Variants in CACNA2D3 observed in about 807,000 individuals in gnomAD.
CACNA2D3 encodes voltage-dependent calcium channel subunit alpha-2/delta-3.
A neutral mutation model predicts 160.6 loss-of-function variants in CACNA2D3; 60 were observed. That is an observed-to-expected ratio of 0.37 (90% confidence interval 0.30 to 0.46). The LOEUF is 0.46. CACNA2D3 is among the 20% of genes least tolerant of loss of function. CACNA2D3 has a pLI of 1.00. For missense variants in CACNA2D3, 1,205 were observed against 1,365.0 expected (o/e 0.88, Z 1.85); for synonymous variants, 558 against 492.9 (o/e 1.13, Z -1.75).
At chr3:54,949,931 A>G (rs1284133116) in intron 27 of CACNA2D3, among the ~76,000 whole-genome samples, 2 of 152,200 alleles carry the variant, frequency 1.3e-5, no homozygotes, top group Non-Finnish European at 2.9e-5. Context: ...GCCACCCCAA[A>G]TAATGTTTCT....
chr3:54,603,004 C>T (rs1481499251), intron 9 of CACNA2D3, among the ~76,000 whole-genome samples: 2 of 152,144 alleles, frequency 1.3e-5, no homozygotes, highest in Admixed American at 6.5e-5. Flanking sequence ...TAGACATTCT[C>T]GTTGTCTAAA....
intron 35 of CACNA2D3, among the ~76,000 whole-genome samples, chr3:55,069,974 A>C (rs904968755): frequency 4.7e-5 from 7 of 150,382 alleles, no homozygotes; most frequent in Middle Eastern, 3.4e-3. Flanking sequence ...TTTAAACCAG[A>C]GTTTGATTCT....
chr3:54,585,196 C>T (rs1702739004), intron 9 of CACNA2D3, among the ~76,000 whole-genome samples: 1 of 152,060 alleles, frequency 6.6e-6, no homozygotes, highest in East Asian at 1.9e-4. Flanking sequence ...ATGTGATACC[C>T]AATGTTTATG....
intron 13 of CACNA2D3, among the ~76,000 whole-genome samples, chr3:54,809,708 C>T (rs1214335705): frequency 6.6e-6 from 1 of 151,594 alleles, no homozygotes; most frequent in African/African-American, 2.4e-5. Flanking sequence ...TCCCTTTCCT[C>T]CTTCCTCTCT....
In CACNA2D3 at chr3:54,363,916, G is replaced by A. The variant is rs141989095; in HGVS notation, c.322-22799G>A. Among the ~76,000 whole-genome samples, 26 of 152,250 alleles carry A rather than the reference G, an allele frequency of 1.7e-4. 1 individual carries two copies. In the East Asian group the frequency reaches 4.4e-3, roughly 26 times the overall value. ...TGAGCCTCTGTGCACCACCATCACC[G>A]ATGGCTGCCCTTACTTCAGATATCC... is the stretch of plus-strand genomic sequence containing the variant. On this transcript the variant is annotated intron_variant, in intron 3 of 37. Coordinates refer to ENST00000474759, the MANE Select transcript of CACNA2D3 (RefSeq NM_018398.3).
In CACNA2D3 at chr3:54,438,320, G is replaced by A. The variant is rs573496893; in HGVS notation, c.381+51546G>A. ...AAATAATTTAGAAGCTGATATGTAA[G>A]GGGTTTTAGTTACTAATTTGTGTTT... On this transcript the variant is annotated intron_variant, in intron 4 of 37. Coordinates refer to ENST00000474759, the MANE Select transcript of CACNA2D3 (RefSeq NM_018398.3). Among the ~76,000 whole-genome samples the A allele has an allele frequency of 1.1e-4, 16 of 152,266 alleles. No individual in the cohort carries two copies. In the South Asian group the frequency reaches 2.9e-3, roughly 28 times the overall value.
intron 14 of CACNA2D3, among the ~76,000 whole-genome samples, chr3:54,830,991 A>G (rs1703865192): frequency 6.6e-6 from 1 of 152,212 alleles, no homozygotes; most frequent in Non-Finnish European, 1.5e-5. Flanking sequence ...ATATTTATGT[A>G]TTATAGTATT....
intron 5 of CACNA2D3, among the ~76,000 whole-genome samples, chr3:54,532,071 G>A (rs750585633): frequency 1.3e-5 from 2 of 152,184 alleles, no homozygotes; most frequent in Non-Finnish European, 2.9e-5. Flanking sequence ...TGACCCTGTG[G>A]ATGCCCTGCC....
At chr3:54,226,312 CTTTTTTTTTT>C (rs10677482) in intron 2 of CACNA2D3, among the ~76,000 whole-genome samples, 1 of 106,912 alleles carries the variant, frequency 9.4e-6, no homozygotes, top group African/African-American at 3.8e-5. Context: ...GCCCCTGATG[CTTTTTTTTTT>C]TTTTTTTTTG....
intron 2 of CACNA2D3, 68 bp from the exon 3 acceptor site, chr3:54,320,371 TGTG>T: frequency 1.5e-6 from 1 of 659,828 alleles, no homozygotes; most frequent in South Asian, 2.2e-5. Context: ...TGTGGGTAGA[TGTG>T]GTCTGAAATC....
At chr3:54,499,268 A>C (rs1385987275) in intron 4 of CACNA2D3, among the ~76,000 whole-genome samples, 4 of 152,136 alleles carry the variant, frequency 2.6e-5, no homozygotes, top group Non-Finnish European at 5.9e-5. Flanking sequence ...GGAAGGTTGC[A>C]CCTGGATTCC....
intron 24 of CACNA2D3, among the ~76,000 whole-genome samples, chr3:54,889,714 A>G (rs1392594756): frequency 6.6e-6 from 1 of 152,098 alleles, no homozygotes; most frequent in African/African-American, 2.4e-5. Context: ...AGAGACTGCC[A>G]TTTTCATTAT....
chr3:54,956,363 C>A (rs1701892608), intron 27 of CACNA2D3, among the ~76,000 whole-genome samples: 1 of 152,274 alleles, frequency 6.6e-6, no homozygotes, highest in South Asian at 2.1e-4. Flanking sequence ...TCTTGTTGAC[C>A]CACCACCAAG....
intron 24 of CACNA2D3, among the ~76,000 whole-genome samples, chr3:54,888,447 GTGTTAGATATAACCC>G (rs1381125223): frequency 6.6e-6 from 1 of 152,142 alleles, no homozygotes; most frequent in Non-Finnish European, 1.5e-5. Flanking sequence ...GTTTCATAGG[GTGTTAGATATAACCC>G]TGTGGTTTTA....
At chr3:54,714,366 T>G (rs1173470595) in intron 11 of CACNA2D3, among the ~76,000 whole-genome samples, 1 of 152,144 alleles carries the variant, frequency 6.6e-6, no homozygotes. Flanking sequence ...GGAGGGCGAG[T>G]GCTCTGGGGC....
intron 13 of CACNA2D3, among the ~76,000 whole-genome samples, chr3:54,792,242 G>T (rs1255911766): frequency 6.6e-6 from 1 of 152,160 alleles, no homozygotes; most frequent in Non-Finnish European, 1.5e-5. Context: ...AACATGAACA[G>T]TGTTACAGTA....
In CACNA2D3 at chr3:55,018,268, C is replaced by T. The variant is rs759521794; in HGVS notation, c.2938C>T (p.Arg980Cys). The change falls in exon 35 of 38, where the codon CGC (arginine) becomes TGC (cysteine). Residue 980 changes from arginine (R) to cysteine (C), a missense_variant. Physicochemically the swap from Arg to Cys is radical, Grantham distance 180. Coordinates refer to ENST00000474759, the MANE Select transcript of CACNA2D3 (RefSeq NM_018398.3). The part of the protein sequence containing the change: ...DTEYPAFVSE[R>C]TIKETTGNIA... ...TGAATATCCAGCATTCGTCTCTGAG[C>T]GCACCATCAAGGAGACTACAGGGAA... 6.8e-6 allele frequency: 11 copies of T among 1,613,200 alleles called. No individual in the cohort carries two copies. Among genetic ancestry groups the T allele is most frequent in the South Asian group, 1.1e-5 (1 of 91,004 alleles).
intron 2 of CACNA2D3, among the ~76,000 whole-genome samples, chr3:54,254,602 C>T (rs1372509936): frequency 6.6e-6 from 1 of 152,068 alleles, no homozygotes; most frequent in Non-Finnish European, 1.5e-5. Context: ...GATAATAATG[C>T]CTAATGCATA....
chr3:54,709,832 G>T (rs1700922648), intron 11 of CACNA2D3, among the ~76,000 whole-genome samples: 1 of 152,162 alleles, frequency 6.6e-6, no homozygotes, highest in African/African-American at 2.4e-5. Context: ...AGGCTGAGGT[G>T]GGAGGATTAC....
Sources: allele counts gnomAD v4.1 joint callset (sites outside exome capture counted in the v4.1 genomes callset), GRCh38; gene constraint gnomAD v4.1.1; transcripts MANE v1.5; gene names NCBI Gene and HGNC (gene_info 2026-07-23, HGNC 2026-07-21).